The following HMCN1 variants were observed in gnomAD, a reference collection of about 807,000 sequenced individuals.
HMCN1 encodes hemicentin 1.
A neutral mutation model predicts 625.9 loss-of-function variants in HMCN1; 321 were observed. That is an observed-to-expected ratio of 0.51 (90% CI 0.47 to 0.56). The LOEUF is 0.56. Among genes scored for constraint, HMCN1 ranks in the 20% least tolerant of loss-of-function variants. The pLI is 0.00. For synonymous variants in HMCN1, 2,425 were observed against 2,417.6 expected, an observed-to-expected ratio of 1.00 and a Z score of -0.09; for missense variants, 6,588 against 6,887.3, an observed-to-expected ratio of 0.96 and a Z score of 1.54.
chr1:186,124,144 A>G (rs1419729934), intron 81 of HMCN1, among the ~76,000 whole-genome samples: 2 of 152,120 alleles, frequency 1.3e-5, no homozygotes, highest in Non-Finnish European at 2.9e-5. Flanking sequence ...AATTGACCAT[A>G]TACTAAACAA....
At chr1:186,007,392 C>T (rs1367575314) in intron 30 of HMCN1, 110 bp downstream of exon 30, 1 of 990,216 alleles carries the variant, frequency 1.0e-6, no homozygotes, top group Non-Finnish European at 1.6e-6. Flanking sequence ...TGGAATACTA[C>T]ATACTTCAAG....
intron 90 of HMCN1, 58 bp downstream of exon 90, chr1:186,144,401 G>A (rs1650153762): frequency 6.2e-7 from 1 of 1,601,316 alleles, no homozygotes; most frequent in Non-Finnish European, 8.5e-7. Flanking sequence ...TCTTATCTAG[G>A]TAGTATGTCA....
intron 1 of HMCN1, among the ~76,000 whole-genome samples, chr1:185,769,719 T>G (rs1393381342): frequency 4.6e-5 from 7 of 152,282 alleles, no homozygotes; most frequent in African/African-American, 1.7e-4. Flanking sequence ...TGGGCAGTTC[T>G]TTTGGTCTTG....
intron 97 of HMCN1, among the ~76,000 whole-genome samples, chr1:186,163,374 C>A (rs111385237): frequency 1.4e-4 from 22 of 152,318 alleles, no homozygotes; most frequent in East Asian, 9.7e-4. Context: ...TGAGGCAATG[C>A]CTCACCCTGC....
chr1:186,157,297 T>G (rs1042626109), intron 97 of HMCN1, among the ~76,000 whole-genome samples: 3 of 152,170 alleles, frequency 2.0e-5, no homozygotes, highest in Non-Finnish European at 4.4e-5. Flanking sequence ...TTTTATTGCC[T>G]TTTACTATCT....
At chr1:185,793,394 C>A (rs1009002481) in intron 1 of HMCN1, among the ~76,000 whole-genome samples, 17 of 152,140 alleles carry the variant, frequency 1.1e-4, no homozygotes, top group Non-Finnish European at 4.4e-5. Flanking sequence ...ATTGTTAAAT[C>A]TTCTGTGACT....
chr1:186,009,362 A>G (rs1198194417), intron 30 of HMCN1, among the ~76,000 whole-genome samples: 5 of 152,336 alleles, frequency 3.3e-5, no homozygotes, highest in South Asian at 2.1e-4. Context: ...AGGCATTGTC[A>G]TGTAGCAAAG....
At chr1:185,979,644 C>A (rs1651480178) in intron 16 of HMCN1, among the ~76,000 whole-genome samples, 1 of 152,078 alleles carries the variant, frequency 6.6e-6, no homozygotes, top group South Asian at 2.1e-4. Flanking sequence ...GGGTGGTTTG[C>A]TGAATTTTTA....
Position 186,039,880 on chromosome 1 carries a change from G to A in HMCN1, c.6180+1G>A. 1 of 1,612,650 alleles carries A rather than the reference G, an allele frequency of 6.2e-7. No homozygotes were observed. Among genetic ancestry groups the A allele is most frequent in the Non-Finnish European group, 8.5e-7 (1 of 1,178,992 alleles). ...TTCTAGTTTTTCTAATGGATTACAG[G>A]TACCTTCATTCATTTCTTTGGTGAC... On this transcript the variant is annotated splice_donor_variant, in intron 39 of 106. Coordinates refer to ENST00000271588, the MANE Select transcript of HMCN1 (RefSeq NM_031935.3). LOFTEE classifies it high-confidence loss of function.
At chr1:185,775,533 G>T (rs1274092444) in intron 1 of HMCN1, among the ~76,000 whole-genome samples, 2 of 152,222 alleles carry the variant, frequency 1.3e-5, no homozygotes, top group African/African-American at 4.8e-5. Context: ...AGTTCTAGGA[G>T]GTTGGTCACA....
At chr1:185,913,257 G>A (rs1666526644) in intron 6 of HMCN1, among the ~76,000 whole-genome samples, 1 of 152,142 alleles carries the variant, frequency 6.6e-6, no homozygotes, top group African/African-American at 2.4e-5. Context: ...GGCCCTTCCT[G>A]CCTGTTTTTT....
Position 186,053,716 on chromosome 1 carries a change from C to A in HMCN1, c.6701-109C>A, listed in dbSNP as rs75520840. The A allele has an allele frequency of 2.9e-5, 30 of 1,051,690 alleles. No homozygotes were observed. The South Asian group carries it at 3.9e-4, about 14-fold the overall frequency. The allele number at this position is 1,051,690 out of a possible 1,614,324, so 65.1% of individuals were successfully genotyped here. Reference sequence around the variant, plus strand: ...CTAGGGCAGGATTATTTTACAGTGTCATTTGCCTTTTATATACTTGAACTG... The same window carrying A: ...CTAGGGCAGGATTATTTTACAGTGTAATTTGCCTTTTATATACTTGAACTG... On this transcript the variant is annotated intron_variant, in intron 43 of 106. Coordinates refer to ENST00000271588, the MANE Select transcript of HMCN1 (RefSeq NM_031935.3).
chr1:186,009,207 T>C (rs1474028202), intron 30 of HMCN1, among the ~76,000 whole-genome samples: 1 of 152,128 alleles, frequency 6.6e-6, no homozygotes, highest in Non-Finnish European at 1.5e-5. Context: ...GATGAATACA[T>C]TTTGGTGATT....
At chr1:186,162,635 A>C (rs2102610122) in intron 97 of HMCN1, among the ~76,000 whole-genome samples, 1 of 152,358 alleles carries the variant, frequency 6.6e-6, no homozygotes, top group East Asian at 1.9e-4. Flanking sequence ...TCTAACAGAC[A>C]GGACCCTCAG....
At chr1:186,090,619 T>C in intron 63 of HMCN1, 139 bp from the exon 64 acceptor site, 1 of 906,684 alleles carries the variant, frequency 1.1e-6, no homozygotes, top group East Asian at 2.6e-5. Context: ...AAGTAATTCA[T>C]GAAGATAACA....
At position 186,003,729 on chromosome 1, in the gene HMCN1, A is replaced by G. The variant is rs142035526; in HGVS notation, c.4360A>G (p.Ile1454Val). 1.5e-5 allele frequency: 24 copies of G among 1,613,288 alleles called. No homozygotes were observed. In the African/African-American group the frequency reaches 1.7e-4, roughly 12 times the overall value. Residue 1454 changes from isoleucine (I) to valine (V), a missense_variant, in exon 29 of 107, where the codon ATA (isoleucine) becomes GTA (valine). Transcript: ENST00000271588. Reference sequence around the variant, plus strand: ...TGTCTTTGTTCAAGTTCCACCCACCATAATAGGTACCAACTTCCCAAATGA... The same window carrying G: ...TGTCTTTGTTCAAGTTCCACCCACCGTAATAGGTACCAACTTCCCAAATGA... The part of the protein sequence containing the change: ...FNIDVLVPPT[I>V]IGTNFPNEVS...
At position 186,007,209 on chromosome 1, in the gene HMCN1, C is replaced by T. The variant is rs749894665; in HGVS notation, c.4557C>T (p.Asp1519=). 19 of 1,613,128 alleles carry T rather than the reference C, an allele frequency of 1.2e-5. No homozygotes were observed. In the South Asian group the frequency reaches 2.1e-4, roughly 18 times the overall value. ...VLHLKNARRN[D]KGRYQCTVSN... is the part of the protein sequence containing the mutation. ...ATTTAAAGAATGCACGGAGAAATGA[C>T]AAGGGGCGCTACCAATGTACTGTGT... The change falls in exon 30 of 107, where the codon GAC becomes GAT. Residue 1519 remains aspartate (D), a synonymous_variant. Transcript: ENST00000271588.
At chr1:185,987,709 A>C (rs1429218245) in intron 20 of HMCN1, among the ~76,000 whole-genome samples, 165 bp downstream of exon 20, 1 of 152,162 alleles carries the variant, frequency 6.6e-6, no homozygotes, top group Non-Finnish European at 1.5e-5. Context: ...ACCCTCCAAG[A>C]AACCATATAG....
intron 2 of HMCN1, among the ~76,000 whole-genome samples, chr1:185,855,518 T>G (rs1662412037): frequency 6.6e-6 from 1 of 152,070 alleles, no homozygotes; most frequent in Non-Finnish European, 1.5e-5. Flanking sequence ...AAACTTTTGA[T>G]TTTTTTTAAT....
Sources: allele counts gnomAD v4.1 joint callset (sites outside exome capture counted in the v4.1 genomes callset), GRCh38; gene constraint gnomAD v4.1.1; transcripts MANE v1.5; gene names NCBI Gene and HGNC (gene_info 2026-07-23, HGNC 2026-07-21).